The following ARMH4 variants were observed in gnomAD, a reference collection of about 807,000 sequenced individuals.
ARMH4 encodes the protein armadillo-like helical domain-containing protein 4.
A neutral mutation model predicts 61.9 loss-of-function variants in ARMH4; 49 were observed. That is an observed-to-expected ratio of 0.79 (90% CI 0.63 to 1.00). The LOEUF is 1.00. Ranked by LOEUF, ARMH4 falls within the 50% of genes least tolerant of loss-of-function variation. ARMH4 has a pLI of 0.00. For missense variants in ARMH4, 934 were observed against 930.0 expected, an observed-to-expected ratio of 1.00 and a Z score of -0.06; for synonymous variants, 368 against 341.5, an observed-to-expected ratio of 1.08 and a Z score of -0.85.
At chr14:58,045,211 C>G (rs1230704238) in intron 5 of ARMH4, among the ~76,000 whole-genome samples, 4 of 152,112 alleles carry the variant, frequency 2.6e-5, no homozygotes, top group Non-Finnish European at 5.9e-5. Flanking sequence ...TGGAACCAAC[C>G]CAAATGTCCA....
chr14:58,137,197 T>C (rs1887330475), intron 2 of ARMH4, among the ~76,000 whole-genome samples: 1 of 152,196 alleles, frequency 6.6e-6, no homozygotes, highest in South Asian at 2.1e-4. Flanking sequence ...ACATGTTGGC[T>C]GGGATAATTC....
intron 5 of ARMH4, among the ~76,000 whole-genome samples, chr14:58,092,115 A>T (rs1320462729): frequency 6.6e-6 from 1 of 151,976 alleles, no homozygotes; most frequent in African/African-American, 2.4e-5. Context: ...CATTATTTTT[A>T]GTTCACTACC....
intron 5 of ARMH4, among the ~76,000 whole-genome samples, chr14:58,047,793 G>A (rs1039954328): frequency 6.6e-6 from 1 of 152,162 alleles, no homozygotes; most frequent in African/African-American, 2.4e-5. Context: ...AAGGATGGGA[G>A]GTTGCACTGC....
At chr14:58,148,918 C>T (rs1429419501) in intron 1 of ARMH4, among the ~76,000 whole-genome samples, 3 of 151,672 alleles carry the variant, frequency 2.0e-5, no homozygotes, top group South Asian at 2.1e-4. Context: ...AGTCTCACAG[C>T]GTCAAGTCAA....
intron 5 of ARMH4, among the ~76,000 whole-genome samples, chr14:58,070,812 A>AT (rs989433123): frequency 2.6e-5 from 4 of 151,956 alleles, no homozygotes; most frequent in African/African-American, 9.7e-5. Context: ...TCTTCATTCT[A>AT]TTTTTTTATT....
At chr14:58,052,508 G>A (rs746061526) in intron 5 of ARMH4, among the ~76,000 whole-genome samples, 11 of 151,960 alleles carry the variant, frequency 7.2e-5, no homozygotes, top group Non-Finnish European at 1.3e-4. Context: ...TTGCCTCTGG[G>A]TGCATTCCCT....
intron 5 of ARMH4, among the ~76,000 whole-genome samples, chr14:58,041,345 A>G (rs1883695069): frequency 6.6e-6 from 1 of 152,184 alleles, no homozygotes; most frequent in Admixed American, 6.5e-5. Flanking sequence ...AGCCAAACTA[A>G]GCTTCCTAAG....
intron 6 of ARMH4, among the ~76,000 whole-genome samples, chr14:58,011,053 C>T (rs1260288865): frequency 6.6e-6 from 1 of 151,998 alleles, no homozygotes; most frequent in African/African-American, 2.4e-5. Context: ...CCATCTGATC[C>T]CAGCCCACCT....
At chr14:58,151,141 A>AG (rs1278585854) in intron 1 of ARMH4, among the ~76,000 whole-genome samples, 1 of 152,204 alleles carries the variant, frequency 6.6e-6, no homozygotes, top group African/African-American at 2.4e-5. Flanking sequence ...ACTTTAAAGC[A>AG]GCCATCTCTC....
chr14:58,051,998 C>T (rs1010284257), intron 5 of ARMH4, among the ~76,000 whole-genome samples: 7 of 152,312 alleles, frequency 4.6e-5, no homozygotes, highest in African/African-American at 1.7e-4. Context: ...CAGACCACTT[C>T]CAAAGTCCTG....
chr14:58,148,846 T>TACACACAC (rs138826141), intron 1 of ARMH4, among the ~76,000 whole-genome samples: 162 of 145,826 alleles, frequency 1.1e-3, no homozygotes, highest in African/African-American at 3.5e-3. Flanking sequence ...CAGAGTTTAT[T>TACACACAC]ACACACACAC....
chr14:58,032,193 T>C (rs947589448), intron 5 of ARMH4, among the ~76,000 whole-genome samples: 1 of 152,126 alleles, frequency 6.6e-6, no homozygotes, highest in African/African-American at 2.4e-5. Context: ...GAGACTTATG[T>C]GTTTTGCTCA....
chr14:58,106,241 C>G (rs1003160159), intron 4 of ARMH4, among the ~76,000 whole-genome samples: 3 of 152,150 alleles, frequency 2.0e-5, no homozygotes, highest in African/African-American at 7.2e-5. Flanking sequence ...GAGATCAAGT[C>G]ACTCGGGATT....
chr14:58,137,995 A>G lies in ARMH4; in HGVS notation c.1364T>C (p.Met455Thr), dbSNP rs1437273594. 6.3e-7 allele frequency: 1 copy of G among 1,595,622 alleles called. No individual in the cohort carries two copies. Among genetic ancestry groups the G allele is most frequent in the East Asian group, 2.2e-5 (1 of 44,452 alleles). Residue 455 changes from methionine to threonine, a missense_variant, in exon 2 of 8, where the codon ATG (methionine) becomes ACG (threonine). Coordinates refer to ENST00000267485, the MANE Select transcript of ARMH4 (RefSeq NM_001001872.4). Reference protein sequence around the residue: ...SEADQLLGNTMKDIITQEMTT... With the variant: ...SEADQLLGNTTKDIITQEMTT... ...TTTCTTTTTCTTTCTTTTACCTTTC[A>G]TTGTATTTCCCAACAGTTGGTCTGC...
At chr14:58,079,635 A>G (rs1487125848) in intron 5 of ARMH4, among the ~76,000 whole-genome samples, 1 of 152,212 alleles carries the variant, frequency 6.6e-6, no homozygotes, top group East Asian at 1.9e-4. Flanking sequence ...AATTTACCAT[A>G]TATTTATGTG....
intron 4 of ARMH4, among the ~76,000 whole-genome samples, chr14:58,112,400 C>T (rs886567757): frequency 1.5e-4 from 22 of 151,344 alleles, no homozygotes; most frequent in African/African-American, 4.9e-4. Context: ...AATTTTACCA[C>T]GCATATTTAA....
In ARMH4 at chr14:58,001,345, T is replaced by C. The variant is rs886171206; in HGVS notation, c.*3391A>G. ...ATAAGCTTATTGTGAATAATATGCT[T>C]ATAAGCATAAGCAATGAACACAGGC... On this transcript the variant is annotated 3_prime_UTR_variant, in exon 8 of 8. Transcript: ENST00000267485. The C allele has an allele frequency of 4.6e-5, 7 of 152,224 alleles. No individual in the cohort carries two copies. Among genetic ancestry groups the C allele is most frequent in the African/African-American group, 1.7e-4 (7 of 41,450 alleles). 9.4% of individuals were successfully genotyped at this position (152,224 alleles called of 1,614,324 possible).
intron 2 of ARMH4, 61 bp downstream of exon 2, chr14:58,137,929 A>G (rs1887360146): frequency 3.3e-6 from 5 of 1,503,798 alleles, no homozygotes; most frequent in Non-Finnish European, 4.5e-6. Flanking sequence ...ATTGCCATTA[A>G]AAAAAAAATT....
chr14:58,102,714 G>A lies in ARMH4; in HGVS notation c.1832-5733C>T, dbSNP rs1886034777. ...TAGTCCCAGCTACTCGGGAGGCTGA[G>A]GCAGGAGAATGGCGTGAACCCGGGA... On this transcript the variant is annotated intron_variant, in intron 4 of 7. Coordinates refer to ENST00000267485, the MANE Select transcript of ARMH4 (RefSeq NM_001001872.4). 1.0e-4 allele frequency among the ~76,000 whole-genome samples: 15 copies of A among 150,698 alleles called. 1 individual carries two copies. In the South Asian group the frequency reaches 3.2e-3, roughly 32 times the overall value.
Sources: allele counts gnomAD v4.1 joint callset (sites outside exome capture counted in the v4.1 genomes callset), GRCh38; gene constraint gnomAD v4.1.1; transcripts MANE v1.5; gene names NCBI Gene and HGNC (gene_info 2026-07-23, HGNC 2026-07-21).